The following PSMA1 variants were observed in gnomAD, a reference collection of about 807,000 sequenced individuals.
PSMA1 encodes the protein proteasome subunit alpha type-1.
PSMA1 carries 3 observed loss-of-function variants against 38.4 expected under a neutral mutation model. That is an observed-to-expected ratio of 0.08 (90% CI 0.04 to 0.20). The LOEUF (loss-of-function observed/expected upper bound fraction) is 0.20. Among genes scored for constraint, PSMA1 ranks in the 10% least tolerant of loss-of-function variants. The pLI is 1.00. For missense variants in PSMA1, 227 were observed against 325.3 expected (o/e 0.70, Z 2.32); for synonymous variants, 101 against 107.1 (o/e 0.94, Z 0.35).
chr11:14,560,544 C>A (rs1465283901), intron 2 of PSMA1, among the ~76,000 whole-genome samples: 1 of 152,134 alleles, frequency 6.6e-6, no homozygotes, highest in Non-Finnish European at 1.5e-5. Flanking sequence ...AGAGATGTAC[C>A]AGTCAATCAC....
chr11:14,579,022 TAC>T (rs1852251733), intron 2 of PSMA1, among the ~76,000 whole-genome samples: 1 of 152,230 alleles, frequency 6.6e-6, no homozygotes, highest in Non-Finnish European at 1.5e-5. Context: ...GGGATTAAGT[TAC>T]CTGGCCTAAA....
At chr11:14,507,914 A>C (rs1851273192) in intron 8 of PSMA1, 148 bp from the exon 9 acceptor site, 6 of 591,372 alleles carry the variant, frequency 1.0e-5, no homozygotes, top group Non-Finnish European at 1.8e-5. Context: ...GAGAAAAAAG[A>C]AGGAAACTAG....
chr11:14,556,491 C>G (rs78412827), intron 2 of PSMA1, among the ~76,000 whole-genome samples: 12 of 151,984 alleles, frequency 7.9e-5, no homozygotes, highest in Middle Eastern at 3.4e-3. Flanking sequence ...GAATAGTGTC[C>G]TTTTTCATTC....
chr11:14,593,196 T>C (rs769454370), intron 2 of PSMA1, among the ~76,000 whole-genome samples: 2 of 152,212 alleles, frequency 1.3e-5, no homozygotes, highest in Non-Finnish European at 2.9e-5. Flanking sequence ...AGAGCTTACA[T>C]AGCTAGAAAG....
intron 1 of PSMA1, among the ~76,000 whole-genome samples, chr11:14,617,057 A>G (rs1019610029): frequency 6.6e-6 from 1 of 152,240 alleles, no homozygotes; most frequent in East Asian, 1.9e-4. Context: ...GCATGGAAGA[A>G]CAGAAGTTAT....
At chr11:14,590,300 C>A (rs974653658) in intron 2 of PSMA1, among the ~76,000 whole-genome samples, 5 of 152,180 alleles carry the variant, frequency 3.3e-5, no homozygotes, top group African/African-American at 1.2e-4. Context: ...ATGTACTTTA[C>A]TAACTGCACA....
chr11:14,627,987 G>A (rs537025055), intron 1 of PSMA1, among the ~76,000 whole-genome samples: 3 of 152,190 alleles, frequency 2.0e-5, no homozygotes, highest in Admixed American at 6.5e-5. Context: ...TAGGAACCAG[G>A]CTGCACAACA....
At chr11:14,574,504 T>C (rs1366187373) in intron 2 of PSMA1, among the ~76,000 whole-genome samples, 1 of 152,130 alleles carries the variant, frequency 6.6e-6, no homozygotes, top group Non-Finnish European at 1.5e-5. Flanking sequence ...TATGGTGATA[T>C]GGTTTGGCTG....
At position 14,574,195 on chromosome 11, in the gene PSMA1, A is replaced by C. The variant is rs1852184528; in HGVS notation, c.21+36771T>G. On this transcript the variant is annotated intron_variant, in intron 2 of 10. Transcript: ENST00000418988. The stretch of plus-strand genomic sequence containing the variant: ...CAAAGAGAGGGAAGTACTAGTAGCC[A>C]AGACAATGGGAAAAAGACCCTGAAG... Among the ~76,000 whole-genome samples, 3 of 152,202 alleles carry C rather than the reference A, an allele frequency of 2.0e-5. No homozygotes were observed. In the South Asian group the frequency reaches 6.2e-4, roughly 32 times the overall value.
chr11:14,550,884 T>C (rs1851877729), intron 2 of PSMA1, among the ~76,000 whole-genome samples: 1 of 152,190 alleles, frequency 6.6e-6, no homozygotes, highest in African/African-American at 2.4e-5. Flanking sequence ...CATTTAAGCC[T>C]TTTGCAAATT....
chr11:14,520,242 C>T (rs1851505625), intron 1 of PSMA1, 55 bp downstream of exon 1: 3 of 1,611,794 alleles, frequency 1.9e-6, no homozygotes, highest in South Asian at 2.2e-5. Flanking sequence ...GGCTCGTCAT[C>T]CCCCAGTCAC....
chr11:14,545,116 C>T (rs2134165937), intron 2 of PSMA1, among the ~76,000 whole-genome samples: 1 of 152,202 alleles, frequency 6.6e-6, no homozygotes, highest in East Asian at 1.9e-4. Context: ...TTGCATAATT[C>T]TGTGATTAGA....
intron 2 of PSMA1, among the ~76,000 whole-genome samples, chr11:14,599,120 T>A (rs1852544677): frequency 6.6e-6 from 1 of 152,214 alleles, no homozygotes. Flanking sequence ...GTTAGTCTGA[T>A]GGGCTTCCCT....
intron 2 of PSMA1, among the ~76,000 whole-genome samples, chr11:14,592,370 CTCTCTCTA>C (rs1341484146): frequency 4.8e-4 from 53 of 111,216 alleles, no homozygotes; most frequent in African/African-American, 1.9e-3. Context: ...CTCTCTCTCT[CTCTCTCTA>C]TATATATATA....
intron 2 of PSMA1, among the ~76,000 whole-genome samples, chr11:14,599,239 T>C (rs943067740): frequency 3.9e-5 from 6 of 152,114 alleles, no homozygotes; most frequent in Admixed American, 2.0e-4. Flanking sequence ...TCTTGAGGAG[T>C]ATCTTTATAG....
At chr11:14,523,512 T>C (rs909430257), upstream of PSMA1, among the ~76,000 whole-genome samples, 12 of 151,482 alleles carry the variant, frequency 7.9e-5, no homozygotes, top group Admixed American at 7.9e-4. Flanking sequence ...CTTAAAGTGA[T>C]CCTCCCTCCT....
intron 2 of PSMA1, among the ~76,000 whole-genome samples, chr11:14,539,957 A>C (rs1189921513): frequency 6.6e-6 from 1 of 152,170 alleles, no homozygotes; most frequent in African/African-American, 2.4e-5. Flanking sequence ...TAAATGAGAG[A>C]ATAAAAATAG....
Position 14,520,346 on chromosome 11 carries a change from A to T in PSMA1, c.-47T>A, listed in dbSNP as rs771760656. Reference sequence around the variant, plus strand: ...GCGGCCTCCAGCAAAACTGAGAATCAAGGAGGTGCTGCCGAAAGTATCGCT... The same window carrying T: ...GCGGCCTCCAGCAAAACTGAGAATCTAGGAGGTGCTGCCGAAAGTATCGCT... On this transcript the variant is annotated 5_prime_UTR_variant, in exon 1 of 10. Transcript: ENST00000396394. 7.4e-6 allele frequency: 12 copies of T among 1,614,106 alleles called. No homozygotes were observed. The highest frequency in any genetic ancestry group is 1.3e-5 in the African/African-American group (1 of 74,944).
rs1450978372 is a variant in PSMA1, at chr11:14,617,355, A to G, written c.-165-6204T>C. On this transcript the variant is annotated intron_variant, in intron 1 of 10. Transcript: ENST00000418988. ...TTTTAGTTCTCAATATCAATGCTAC[A>G]TTGTACTATAATCATTTGCTTGTCT... 2.0e-5 allele frequency among the ~76,000 whole-genome samples: 3 copies of G among 152,312 alleles called. No homozygotes were observed. The East Asian group carries it at 5.8e-4, about 29-fold the overall frequency.
Sources: allele counts gnomAD v4.1 joint callset (sites outside exome capture counted in the v4.1 genomes callset), GRCh38; gene constraint gnomAD v4.1.1; transcripts MANE v1.5; gene names NCBI Gene and HGNC (gene_info 2026-07-23, HGNC 2026-07-21).